Variants in CRYBB2 observed in about 807,000 individuals in gnomAD.
CRYBB2 encodes the protein crystallin beta B2.
Under a neutral mutation model 24.3 loss-of-function variants are expected in CRYBB2, and 12 were observed. The observed-to-expected ratio is 0.49, with a 90% CI of 0.32 to 0.80. CRYBB2 has a LOEUF of 0.80. Among genes scored for constraint, CRYBB2 ranks in the 30% least tolerant of loss-of-function variants. The pLI is 0.04. For synonymous variants in CRYBB2, 98 were observed against 101.6 expected, an observed-to-expected ratio of 0.96 and a Z score of 0.21; for missense variants, 198 against 268.5, an observed-to-expected ratio of 0.74 and a Z score of 1.83.
chr22:25,231,259 T>C (rs1935526529), intron 5 of CRYBB2, among the ~76,000 whole-genome samples: 1 of 152,046 alleles, frequency 6.6e-6, no homozygotes, highest in Non-Finnish European at 1.5e-5. Flanking sequence ...AGGGAGACGG[T>C]TCAAAGGCCT....
In CRYBB2 at chr22:25,231,805, C is replaced by A. The variant is rs1569022818; in HGVS notation, c.*33C>A. 6.2e-7 allele frequency: 1 copy of A among 1,608,650 alleles called. No individual in the cohort carries two copies. On this transcript the variant is annotated 3_prime_UTR_variant, in exon 6 of 6. Transcript: ENST00000398215. ...CCCACCATGCCTCCTTCCCAGGACC[C>A]AGGTCTGCTGCCCAGGAACCCTCCA...
chr22:25,217,158 A>G (rs1484450826), upstream of CRYBB2, among the ~76,000 whole-genome samples: 6 of 146,860 alleles, frequency 4.1e-5, no homozygotes, highest in African/African-American at 1.5e-4. Flanking sequence ...TGGCTGGCTC[A>G]TATGGTAATT....
upstream of CRYBB2, among the ~76,000 whole-genome samples, chr22:25,218,839 A>AAAGAGAAAGAAAGG: frequency 1.0e-5 from 1 of 95,480 alleles, no homozygotes; most frequent in East Asian, 4.0e-4. Flanking sequence ...AGAAAGAAAG[A>AAAGAGAAAGAAAGG]GAAAGAAAGA....
In CRYBB2 at chr22:25,231,778, T is replaced by G; in HGVS notation, c.*6T>G. ...CCTTCCACCCCTCCAACTAGTGCCC[T>G]CCCCACCATGCCTCCTTCCCAGGAC... On this transcript the variant is annotated 3_prime_UTR_variant, in exon 6 of 6. Transcript: ENST00000398215. 6.2e-7 allele frequency: 1 copy of G among 1,613,590 alleles called. No individual in the cohort carries two copies. The highest frequency in any genetic ancestry group is 8.5e-7 in the Non-Finnish European group (1 of 1,179,744).
intron 1 of CRYBB2, 26 bp from the exon 2 acceptor site, chr22:25,221,378 T>A (rs1935316356): frequency 1.3e-6 from 2 of 1,493,982 alleles, no homozygotes; most frequent in Admixed American, 3.3e-5. Context: ...CTCCAGGTCC[T>A]CACTGCTGCT....
intron 1 of CRYBB2, chr22:25,213,190 C>G (rs55663962): frequency 6.6e-6 from 1 of 152,054 alleles, no homozygotes; most frequent in Non-Finnish European, 1.5e-5. Context: ...AAAAAATTGT[C>G]GTAAGAAGGG....
chr22:25,216,859 T>C (rs1385846065), upstream of CRYBB2, among the ~76,000 whole-genome samples: 2 of 152,224 alleles, frequency 1.3e-5, no homozygotes, highest in African/African-American at 2.4e-5. Flanking sequence ...AGGTAACTTA[T>C]GTAAGTGGAA....
intron 2 of CRYBB2, among the ~76,000 whole-genome samples, chr22:25,223,650 T>C (rs111707305): frequency 0.02 from 3,110 of 152,212 alleles, 42 homozygotes; most frequent in Middle Eastern, 0.068. Context: ...CCCTGTGCCT[T>C]TCCCTTTCTT....
rs1323101572 is a variant in CRYBB2 at position 25,221,342 on chromosome 22, C to T, written c.-26-62C>T. On this transcript the variant is annotated intron_variant, in intron 1 of 5. Transcript: ENST00000398215. ...GCCAGAGGGGAGTGGTCTCAAGGCC[C>T]CACAGAGTGAAAAAGCCAGTGGCCC... is the stretch of plus-strand genomic sequence containing the variant. 16 of 1,012,306 alleles carry T rather than the reference C, an allele frequency of 1.6e-5. No homozygotes were observed. In the Admixed American group the frequency reaches 2.7e-4, roughly 17 times the overall value. The allele number at this position is 1,012,306 out of a possible 1,614,324, so 62.7% of individuals were successfully genotyped here. A position where few individuals can be genotyped will look rare whatever the true frequency, so the allele number is the denominator to read the frequency against.
At chr22:25,216,847 C>T (rs551010020), upstream of CRYBB2, among the ~76,000 whole-genome samples, 14 of 152,300 alleles carry the variant, frequency 9.2e-5, no homozygotes, top group East Asian at 2.7e-3. Context: ...TTTGCCTACC[C>T]TAGGTAACTT....
At chr22:25,217,379 A>G (rs193055461), upstream of CRYBB2, among the ~76,000 whole-genome samples, 73 of 152,244 alleles carry the variant, frequency 4.8e-4, no homozygotes, top group African/African-American at 1.7e-3. Flanking sequence ...GTGCAATGCC[A>G]TGATCTTGGC....
intron 4 of CRYBB2, among the ~76,000 whole-genome samples, chr22:25,228,982 G>A (rs8135808): frequency 6.0e-5 from 9 of 150,116 alleles, no homozygotes; most frequent in East Asian, 2.0e-4. Flanking sequence ...GTGTGTGCAC[G>A]CATGTGTGGG....
chr22:25,227,072 G>A (rs1373409236), intron 3 of CRYBB2, among the ~76,000 whole-genome samples: 1 of 152,184 alleles, frequency 6.6e-6, no homozygotes, highest in East Asian at 1.9e-4. Context: ...CTCCTCTTTT[G>A]TTAATGACTT....
intron 4 of CRYBB2, among the ~76,000 whole-genome samples, chr22:25,229,054 TGC>T (rs1201215293): frequency 2.0e-5 from 2 of 102,492 alleles, no homozygotes; most frequent in Non-Finnish European, 4.3e-5. Context: ...AAGTGTGGTG[TGC>T]GTGTGTGCAT....
upstream of CRYBB2, among the ~76,000 whole-genome samples, chr22:25,218,258 CA>C (rs34191563): frequency 0.39 from 53,076 of 134,470 alleles, 10,006 homozygotes; most frequent in East Asian, 0.55. Context: ...GACTCCATCT[CA>C]AAAAAAAAAA....
chr22:25,224,874 C>G (rs1386503409), intron 2 of CRYBB2, 44 bp from the exon 3 acceptor site: 1 of 1,081,016 alleles, frequency 9.3e-7, no homozygotes. Context: ...AGTTCTCACT[C>G]CTCTTCATCG....
chr22:25,218,767 G>A (rs867028964), upstream of CRYBB2, among the ~76,000 whole-genome samples: 802 of 34,068 alleles, frequency 0.024, 77 homozygotes, highest in African/African-American at 0.078. Flanking sequence ...GAGAGAGAGA[G>A]AGAGAGAGAG....
intron 1 of CRYBB2, chr22:25,213,315 A>G (rs1935128720): frequency 6.6e-6 from 1 of 152,122 alleles, no homozygotes; most frequent in African/African-American, 2.4e-5. Context: ...GAACACCAAG[A>G]CCTATTCTCC....
At chr22:25,223,876 T>G (rs1310251755) in intron 2 of CRYBB2, among the ~76,000 whole-genome samples, 3 of 151,934 alleles carry the variant, frequency 2.0e-5, no homozygotes, top group Non-Finnish European at 4.4e-5. Flanking sequence ...ATCTCAACAC[T>G]TTGGGAGGCC....
Sources: allele counts gnomAD v4.1 joint callset (sites outside exome capture counted in the v4.1 genomes callset), GRCh38; gene constraint gnomAD v4.1.1; transcripts MANE v1.5; gene names NCBI Gene and HGNC (gene_info 2026-07-23, HGNC 2026-07-21).